Variants in CNTNAP2 observed in about 807,000 individuals in gnomAD.
CNTNAP2 encodes the protein contactin associated protein 2, also known as contactin-associated protein-like 2.
Under a neutral mutation model 155.2 loss-of-function variants are expected in CNTNAP2, and 98 were observed. The observed-to-expected ratio is 0.63, with a 90% CI of 0.54 to 0.75. CNTNAP2 has a LOEUF of 0.75. Among genes scored for constraint, CNTNAP2 ranks in the 30% least tolerant of loss-of-function variants. The pLI is 0.00. For missense variants in CNTNAP2, 1,727 were observed against 1,688.1 expected (o/e 1.02, Z -0.40); for synonymous variants, 651 against 631.2 (o/e 1.03, Z -0.47).
chr7:147,641,153 A>C (rs1795269814), intron 13 of CNTNAP2, among the ~76,000 whole-genome samples: 2 of 147,078 alleles, frequency 1.4e-5, no homozygotes, highest in Admixed American at 1.5e-4. Context: ...CCTGCTAGAC[A>C]AGAAACATTT....
At chr7:146,359,439 T>G (rs1207435250) in intron 1 of CNTNAP2, among the ~76,000 whole-genome samples, 1 of 152,182 alleles carries the variant, frequency 6.6e-6, no homozygotes, top group Non-Finnish European at 1.5e-5. Flanking sequence ...TTCTAACTCT[T>G]GAAATTTTTG....
At chr7:146,354,566 C>T (rs1425344281) in intron 1 of CNTNAP2, among the ~76,000 whole-genome samples, 2 of 152,032 alleles carry the variant, frequency 1.3e-5, no homozygotes, top group African/African-American at 4.8e-5. Context: ...AGGCACCTGC[C>T]ACCACGCCAG....
intron 8 of CNTNAP2, among the ~76,000 whole-genome samples, chr7:147,265,640 C>T (rs954178357): frequency 3.9e-5 from 6 of 152,206 alleles, no homozygotes; most frequent in Non-Finnish European, 8.8e-5. Flanking sequence ...ACAGCACACT[C>T]CCTCCACCAA....
chr7:146,578,963 T>G (rs1406213723), intron 1 of CNTNAP2, among the ~76,000 whole-genome samples: 7 of 152,268 alleles, frequency 4.6e-5, no homozygotes, highest in African/African-American at 1.7e-4. Context: ...TTTTTAACAA[T>G]GTAAAACAGA....
At chr7:147,944,811 C>G (rs879608558) in intron 14 of CNTNAP2, among the ~76,000 whole-genome samples, 4 of 152,154 alleles carry the variant, frequency 2.6e-5, no homozygotes, top group South Asian at 2.1e-4. Flanking sequence ...TTCCTCCTTT[C>G]TCTCCCCAAT....
intron 9 of CNTNAP2, among the ~76,000 whole-genome samples, chr7:147,354,511 C>T (rs1326465154): frequency 6.6e-6 from 1 of 152,068 alleles, no homozygotes; most frequent in African/African-American, 2.4e-5. Flanking sequence ...GTTTTGGTAC[C>T]AGTACCATGC....
intron 12 of CNTNAP2, among the ~76,000 whole-genome samples, chr7:147,583,321 C>G (rs951132794): frequency 2.0e-5 from 3 of 151,834 alleles, no homozygotes; most frequent in African/African-American, 7.3e-5. Flanking sequence ...TGACATACGG[C>G]TAAGCCTGTT....
At chr7:146,242,279 C>T (rs539381757) in intron 1 of CNTNAP2, among the ~76,000 whole-genome samples, 8 of 152,264 alleles carry the variant, frequency 5.3e-5, no homozygotes, top group East Asian at 1.9e-4. Context: ...GTGGCTCACA[C>T]CTGTAATCCC....
intron 13 of CNTNAP2, among the ~76,000 whole-genome samples, chr7:147,745,907 A>G (rs2116494692): frequency 6.6e-6 from 1 of 152,358 alleles, no homozygotes; most frequent in African/African-American, 2.4e-5. Context: ...GAATCTTTAA[A>G]ATCTATAGCT....
At chr7:147,212,901 G>A (rs957997093) in intron 8 of CNTNAP2, among the ~76,000 whole-genome samples, 2 of 152,004 alleles carry the variant, frequency 1.3e-5, no homozygotes, top group African/African-American at 2.4e-5. Context: ...CAAATTCCTG[G>A]TGTGTTTTTA....
intron 3 of CNTNAP2, among the ~76,000 whole-genome samples, chr7:146,925,815 T>C (rs1229944524): frequency 6.6e-6 from 1 of 152,128 alleles, no homozygotes; most frequent in Non-Finnish European, 1.5e-5. Flanking sequence ...TCAGCTAACC[T>C]TTTGGTCAAA....
chr7:146,367,703 AAC>A (rs1413405712), intron 1 of CNTNAP2, among the ~76,000 whole-genome samples: 1 of 152,124 alleles, frequency 6.6e-6, no homozygotes, highest in East Asian at 1.9e-4. Context: ...TGCCTTTGCT[AAC>A]ACAGAAATCC....
At chr7:146,984,122 C>T (rs1003518437) in intron 3 of CNTNAP2, among the ~76,000 whole-genome samples, 3 of 152,020 alleles carry the variant, frequency 2.0e-5, no homozygotes, top group African/African-American at 7.2e-5. Context: ...AATCCCAGCA[C>T]TTTGGGAGGC....
At chr7:147,265,339 G>T (rs1394418229) in intron 8 of CNTNAP2, among the ~76,000 whole-genome samples, 1 of 152,194 alleles carries the variant, frequency 6.6e-6, no homozygotes, top group East Asian at 1.9e-4. Context: ...GAGACTGGAT[G>T]GCTTGGTCCC....
chr7:146,742,606 T>A (rs1433326236), intron 1 of CNTNAP2, among the ~76,000 whole-genome samples: 1 of 151,930 alleles, frequency 6.6e-6, no homozygotes, highest in Non-Finnish European at 1.5e-5. Context: ...GAGAGAGAAA[T>A]CAGAAGGCTG....
chr7:146,308,541 C>A (rs1014134249), intron 1 of CNTNAP2, among the ~76,000 whole-genome samples: 2 of 151,350 alleles, frequency 1.3e-5, no homozygotes, highest in African/African-American at 2.4e-5. Context: ...ATGTTTATTG[C>A]GGCACTATTC....
intron 21 of CNTNAP2, among the ~76,000 whole-genome samples, chr7:148,276,385 C>T (rs1796870484): frequency 6.6e-6 from 1 of 152,218 alleles, no homozygotes; most frequent in Non-Finnish European, 1.5e-5. Flanking sequence ...CTCTGGAAGA[C>T]AGTGCGAGAC....
intron 1 of CNTNAP2, among the ~76,000 whole-genome samples, chr7:146,323,822 C>T (rs2129093136): frequency 6.6e-6 from 1 of 152,192 alleles, no homozygotes; most frequent in African/African-American, 2.4e-5. Context: ...CATAGAGTTC[C>T]TTATTTCATA....
chr7:147,284,335 G>A (rs909858410), intron 8 of CNTNAP2, among the ~76,000 whole-genome samples: 3 of 151,620 alleles, frequency 2.0e-5, no homozygotes, highest in African/African-American at 4.8e-5. Flanking sequence ...GAGAGAGAAA[G>A]CAACTTCTTC....
Sources: allele counts gnomAD v4.1 joint callset (sites outside exome capture counted in the v4.1 genomes callset), GRCh38; gene constraint gnomAD v4.1.1; transcripts MANE v1.5; gene names NCBI Gene and HGNC (gene_info 2026-07-23, HGNC 2026-07-21).